The following SEZ6L variants were observed in gnomAD, a reference collection of about 807,000 sequenced individuals.
The protein encoded by SEZ6L is seizure related 6 homolog like.
SEZ6L carries 37 observed loss-of-function variants against 106.2 expected under a neutral mutation model. The observed-to-expected ratio is 0.35, with a 90% CI of 0.27 to 0.46. The LOEUF is 0.46. Ranked by LOEUF, SEZ6L falls within the 20% of genes least tolerant of loss-of-function variation. SEZ6L has a pLI of 1.00. For missense variants in SEZ6L, 1,172 were observed against 1,332.8 expected (o/e 0.88, Z 1.88); for synonymous variants, 541 against 570.4 (o/e 0.95, Z 0.73).
At chr22:26,327,345 ACACACATGCCACACATGC>A (rs151020880) in intron 9 of SEZ6L, among the ~76,000 whole-genome samples, 1 of 127,770 alleles carries the variant, frequency 7.8e-6, no homozygotes, top group South Asian at 2.5e-4. Context: ...CACACACACC[ACACACATGCCACACATGC>A]CACACCACAT....
chr22:26,309,571 C>T (rs936011696), intron 6 of SEZ6L, among the ~76,000 whole-genome samples: 2 of 152,076 alleles, frequency 1.3e-5, no homozygotes, highest in East Asian at 1.9e-4. Context: ...ACTTACCTAC[C>T]GTGTCCTGTT....
chr22:26,319,545 C>T (rs582072), intron 9 of SEZ6L, among the ~76,000 whole-genome samples: 2 of 152,200 alleles, frequency 1.3e-5, no homozygotes, highest in East Asian at 1.9e-4. Flanking sequence ...CCATTCCACA[C>T]GCATACCTCA....
At position 26,380,115 on chromosome 22, in the gene SEZ6L, T is replaced by A. The variant is rs1023277927; in HGVS notation, c.3046-151T>A. On this transcript the variant is annotated intron_variant, in intron 16 of 16. Coordinates refer to ENST00000248933, the MANE Select transcript of SEZ6L (RefSeq NM_021115.5). ...TTGTACGCCATTTCCTTATAACCCATTGGCAAAAGCAAATCAGGGTCAGAG... is the reference window on the plus strand; with the variant it reads ...TTGTACGCCATTTCCTTATAACCCAATGGCAAAAGCAAATCAGGGTCAGAG... The A allele has an allele frequency of 7.7e-6, 5 of 653,066 alleles. No individual in the cohort carries two copies. In the African/African-American group the frequency reaches 8.9e-5, roughly 12 times the overall value. 40.5% of individuals were successfully genotyped at this position (653,066 alleles called of 1,614,324 possible). A position where few individuals can be genotyped will look rare whatever the true frequency, so the allele number is the denominator to read the frequency against.
intron 9 of SEZ6L, among the ~76,000 whole-genome samples, chr22:26,314,909 G>C (rs530425531): frequency 1.3e-5 from 2 of 152,358 alleles, no homozygotes; most frequent in South Asian, 4.1e-4. Flanking sequence ...GGCTTCTGTG[G>C]CTTCTCAGTC....
At chr22:26,348,740 A>AG (rs1249858524) in intron 11 of SEZ6L, among the ~76,000 whole-genome samples, 1 of 7,604 alleles carries the variant, frequency 1.3e-4, no homozygotes, top group African/African-American at 4.3e-4. Flanking sequence ...GAGGGAAGGG[A>AG]AGAAGGGAGG....
intron 1 of SEZ6L, among the ~76,000 whole-genome samples, chr22:26,239,506 AC>A (rs1182770613): frequency 2.0e-5 from 3 of 152,324 alleles, no homozygotes; most frequent in African/African-American, 7.2e-5. Flanking sequence ...AGGAACTGCA[AC>A]TAGCGAGAAG....
At chr22:26,199,179 G>C (rs950850820) in intron 1 of SEZ6L, among the ~76,000 whole-genome samples, 1 of 152,160 alleles carries the variant, frequency 6.6e-6, no homozygotes, top group Non-Finnish European at 1.5e-5. Context: ...GAGAAAATTA[G>C]CCCATTACCA....
chr22:26,310,601 C>A, intron 6 of SEZ6L, 69 bp from the exon 7 acceptor site: 1 of 1,539,028 alleles, frequency 6.5e-7, no homozygotes, highest in Non-Finnish European at 8.9e-7. Context: ...CGTAGCACAT[C>A]CCTTCCTCTG....
intron 1 of SEZ6L, among the ~76,000 whole-genome samples, chr22:26,176,708 C>T (rs908446314): frequency 2.0e-5 from 3 of 152,148 alleles, no homozygotes; most frequent in East Asian, 3.8e-4. Context: ...TGTTAAGACT[C>T]GTCAATATAT....
At chr22:26,259,411 T>C (rs2079927265) in intron 1 of SEZ6L, among the ~76,000 whole-genome samples, 1 of 152,194 alleles carries the variant, frequency 6.6e-6, no homozygotes, top group South Asian at 2.1e-4. Flanking sequence ...GAGGAACCCA[T>C]GTAATTGCAG....
intron 9 of SEZ6L, among the ~76,000 whole-genome samples, chr22:26,324,064 CCACACA>C (rs71311560): frequency 0.011 from 1,518 of 140,244 alleles, 18 homozygotes; most frequent in African/African-American, 0.029. Context: ...CAGTTTTTAA[CCACACA>C]CACACACACA....
Sources: gnomAD v4.1 joint callset for allele counts (sites outside exome capture counted in the v4.1 genomes callset) on GRCh38, gnomAD v4.1.1 for gene constraint, MANE v1.5 for transcripts, NCBI Gene and HGNC (gene_info 2026-07-23, HGNC 2026-07-21) for gene names.